PTPRT: variants seen among roughly 807,000 people sequenced by gnomAD.
PTPRT encodes the protein receptor-type tyrosine-protein phosphatase T.
Under a neutral mutation model 176.8 loss-of-function variants are expected in PTPRT, and 56 were observed. That is an observed-to-expected ratio of 0.32 (90% confidence interval 0.26 to 0.40). PTPRT has a LOEUF of 0.40. Among genes scored for constraint, PTPRT ranks in the 10% least tolerant of loss-of-function variants. PTPRT has a pLI of 1.00. For synonymous variants in PTPRT, 783 were observed against 739.0 expected (o/e 1.06, Z -0.96); for missense variants, 1,540 against 1,908.2 (o/e 0.81, Z 3.60).
At chr20:42,843,250 A>G (rs778180403) in intron 2 of PTPRT, among the ~76,000 whole-genome samples, 7 of 151,938 alleles carry the variant, frequency 4.6e-5, no homozygotes, top group Non-Finnish European at 1.0e-4. Flanking sequence ...TTCAGGCAGG[A>G]GGTAAAGAAG....
intron 7 of PTPRT, among the ~76,000 whole-genome samples, chr20:42,530,710 C>T (rs1323504020): frequency 6.6e-6 from 1 of 152,170 alleles, no homozygotes; most frequent in Non-Finnish European, 1.5e-5. Flanking sequence ...ACCATCATCA[C>T]CCCAGGCTGT....
intron 7 of PTPRT, among the ~76,000 whole-genome samples, chr20:42,553,855 G>A (rs1208639385): frequency 6.6e-6 from 1 of 152,092 alleles, no homozygotes; most frequent in Non-Finnish European, 1.5e-5. Flanking sequence ...TAGCAGGATG[G>A]AGGGGAAAAC....
chr20:42,045,569 A>G, the PTPRT span, among the ~76,000 whole-genome samples: 7 of 151,916 alleles, frequency 4.6e-5, no homozygotes, highest in Admixed American at 3.3e-4. Flanking sequence ...GGTCACTCCA[A>G]GTCCGTAGAT....
intron 7 of PTPRT, among the ~76,000 whole-genome samples, chr20:42,577,265 T>C (rs1174428675): frequency 6.6e-6 from 1 of 152,138 alleles, no homozygotes; most frequent in Non-Finnish European, 1.5e-5. Flanking sequence ...TCAACTAGCA[T>C]TAAAAAGATT....
chr20:42,709,374 A>C (rs1397328852), intron 6 of PTPRT, among the ~76,000 whole-genome samples: 3 of 152,160 alleles, frequency 2.0e-5, no homozygotes, highest in African/African-American at 7.2e-5. Context: ...TCCTTGCAGT[A>C]ATAAGTTCAC....
chr20:43,168,390 G>A (rs1207784329), intron 1 of PTPRT, among the ~76,000 whole-genome samples: 2 of 152,164 alleles, frequency 1.3e-5, no homozygotes, highest in African/African-American at 2.4e-5. Flanking sequence ...CAGTGAGATG[G>A]TTCTGAGCCA....
At chr20:42,885,104 G>A (rs948782699) in intron 2 of PTPRT, among the ~76,000 whole-genome samples, 10 of 149,262 alleles carry the variant, frequency 6.7e-5, no homozygotes, top group East Asian at 1.9e-4. Context: ...TATTTAGAAT[G>A]TCAGGATGTT....
intron 6 of PTPRT, among the ~76,000 whole-genome samples, chr20:42,695,943 C>T: frequency 6.6e-6 from 1 of 152,192 alleles, no homozygotes; most frequent in East Asian, 1.9e-4. Flanking sequence ...CCCTCAGTGA[C>T]TCCCTCCTCC....
Position 42,962,754 on chromosome 20 carries a change from C to G in PTPRT, c.89-76822G>C, listed in dbSNP as rs544605081. Among the ~76,000 whole-genome samples the G allele has an allele frequency of 2.6e-5, 4 of 152,308 alleles. No homozygotes were observed. The South Asian group carries it at 8.3e-4, about 32-fold the overall frequency. On this transcript the variant is annotated intron_variant, in intron 1 of 30. Transcript: ENST00000373187. ...ACTACCACCACCATTTACCTCCTCC[C>G]TCTGCCAAATACTAAAAGAAATGCC... is the stretch of plus-strand genomic sequence containing the variant.
At chr20:42,388,670 G>A (rs372164646) in intron 9 of PTPRT, among the ~76,000 whole-genome samples, 1 of 152,208 alleles carries the variant, frequency 6.6e-6, no homozygotes, top group African/African-American at 2.4e-5. Flanking sequence ...ACTTTTACAC[G>A]TTGGTGGGAC....
In PTPRT at chr20:42,472,443, G is replaced by T; in HGVS notation, c.1273C>A (p.Gln425Lys). Reference sequence around the variant, plus strand: ...TGCTGGTTGAACACATACTGGTACTGCACGGTGAGGTTGTAGCTATGGCAG... The same window carrying T: ...TGCTGGTTGAACACATACTGGTACTTCACGGTGAGGTTGTAGCTATGGCAG... ...TRCHSYNLTV[Q>K]YQYVFNQQQY... The change falls in exon 8 of 31, where the codon CAG becomes AAG. Residue 425 changes from glutamine (Q) to lysine (K), a missense_variant. Transcript: ENST00000373187. The T allele has an allele frequency of 6.2e-7, 1 of 1,614,246 alleles. No individual in the cohort carries two copies.
chr20:42,996,894 A>G (rs1406537564), intron 1 of PTPRT, among the ~76,000 whole-genome samples: 1 of 152,224 alleles, frequency 6.6e-6, no homozygotes, highest in Non-Finnish European at 1.5e-5. Flanking sequence ...AGATTAAACA[A>G]GTCAATAGAT....
At chr20:42,518,080 T>A (rs1290421554) in intron 7 of PTPRT, among the ~76,000 whole-genome samples, 37 of 152,014 alleles carry the variant, frequency 2.4e-4, no homozygotes, top group Admixed American at 2.4e-3. Context: ...GTTCTAACAT[T>A]TGCTTTGAAT....
intron 9 of PTPRT, among the ~76,000 whole-genome samples, chr20:42,404,026 C>T (rs1051294264): frequency 6.6e-6 from 1 of 152,158 alleles, no homozygotes; most frequent in Non-Finnish European, 1.5e-5. Context: ...TCAACAGAAG[C>T]CCTGGACTCA....
At chr20:42,539,732 A>T (rs368785596) in intron 7 of PTPRT, among the ~76,000 whole-genome samples, 1 of 152,124 alleles carries the variant, frequency 6.6e-6, no homozygotes, top group Non-Finnish European at 1.5e-5. Context: ...TGTGAACAAA[A>T]TATTAGAAAC....
rs565102424 is a variant in PTPRT at position 42,489,175 on chromosome 20, T to C, written c.1154-16613A>G. On this transcript the variant is annotated intron_variant, in intron 7 of 30. Coordinates refer to ENST00000373187, the MANE Select transcript of PTPRT (RefSeq NM_007050.6). ...TGCAGGTTAGTTACATATGTATACA[T>C]GTTGTTATTTTTTTGAAATGTCTCC... 2.6e-5 allele frequency among the ~76,000 whole-genome samples: 4 copies of C among 152,170 alleles called. No homozygotes were observed. In the East Asian group the frequency reaches 7.7e-4, roughly 29 times the overall value.
At chr20:42,759,173 G>A (rs1346229985) in intron 5 of PTPRT, among the ~76,000 whole-genome samples, 4 of 152,154 alleles carry the variant, frequency 2.6e-5, no homozygotes, top group South Asian at 2.1e-4. Context: ...GCCACCATGG[G>A]GGATAAGAAT....
chr20:42,136,473 A>T (rs1262212203), intron 18 of PTPRT, among the ~76,000 whole-genome samples: 1 of 152,136 alleles, frequency 6.6e-6, no homozygotes, highest in Non-Finnish European at 1.5e-5. Flanking sequence ...CTTGGGCATG[A>T]TGCAGAGACA....
intron 12 of PTPRT, among the ~76,000 whole-genome samples, chr20:42,289,066 G>T (rs1383874889): frequency 1.3e-5 from 2 of 151,848 alleles, no homozygotes; most frequent in Admixed American, 6.6e-5. Context: ...GGAAAACCAG[G>T]TAACCATATG....
Sources: allele counts gnomAD v4.1 joint callset (sites outside exome capture counted in the v4.1 genomes callset), GRCh38; gene constraint gnomAD v4.1.1; transcripts MANE v1.5; gene names NCBI Gene and HGNC (gene_info 2026-07-23, HGNC 2026-07-21).